Variants in USP39 observed in about 807,000 individuals in gnomAD.
The protein encoded by USP39 is ubiquitin carboxyl-terminal hydrolase 39.
A neutral mutation model predicts 66.4 loss-of-function variants in USP39; 38 were observed. The ratio of observed to expected loss-of-function variants is 0.57; its 90% CI spans 0.44 to 0.75. The LOEUF is 0.75. Among genes scored for constraint, USP39 ranks in the 30% least tolerant of loss-of-function variants. The pLI, the probability that USP39 is intolerant of heterozygous loss-of-function variation, is 0.00. For missense variants in USP39, 608 were observed against 714.4 expected (o/e 0.85, Z 1.70); for synonymous variants, 303 against 274.6 (o/e 1.10, Z -1.02).
chr2:85,647,000 G>A (rs1676697003), intron 11 of USP39, among the ~76,000 whole-genome samples: 1 of 149,918 alleles, frequency 6.7e-6, no homozygotes, highest in African/African-American at 2.5e-5. Flanking sequence ...TGATTCTCCT[G>A]CCTCAGCCTC....
upstream of USP39, chr2:85,611,992 C>G (rs1285707220): frequency 2.0e-6 from 3 of 1,520,354 alleles, no homozygotes; most frequent in Non-Finnish European, 2.6e-6. Flanking sequence ...CATCAGGAGC[C>G]GGGGACGCAG....
At chr2:85,609,128 C>T, upstream of USP39, 1 of 1,595,920 alleles carries the variant, frequency 6.3e-7, no homozygotes, top group Non-Finnish European at 8.6e-7. Context: ...GTGACCTGCC[C>T]TGTCCCTAAA....
At chr2:85,611,832 G>T, upstream of USP39, 4 of 1,605,742 alleles carry the variant, frequency 2.5e-6, no homozygotes, top group Non-Finnish European at 3.4e-6. Context: ...GCCGGGCCAG[G>T]CCAGGCCAGG....
At chr2:85,633,890 T>G (rs1443106823) in intron 6 of USP39, among the ~76,000 whole-genome samples, 1 of 122,964 alleles carries the variant, frequency 8.1e-6, no homozygotes. Context: ...CAGGCTGGAG[T>G]GCAGTGGCGG....
At chr2:85,620,047 G>A (rs140172875) in intron 2 of USP39, among the ~76,000 whole-genome samples, 5,628 of 151,632 alleles carry the variant, frequency 0.037, 367 homozygotes, top group African/African-American at 0.13. Flanking sequence ...TAGAAGAGAC[G>A]GGGTTTCATC....
intron 6 of USP39, among the ~76,000 whole-genome samples, chr2:85,631,721 C>T (rs1367213221): frequency 6.6e-6 from 1 of 151,906 alleles, no homozygotes; most frequent in Non-Finnish European, 1.5e-5. Flanking sequence ...TTAGGGTATT[C>T]TGATGATATT....
chr2:85,631,139 C>T (rs145455477), intron 6 of USP39, among the ~76,000 whole-genome samples, 193 bp downstream of exon 6: 2,558 of 152,048 alleles, frequency 0.017, 47 homozygotes, highest in African/African-American at 0.043. Context: ...TTCAGCCTCC[C>T]AAGTAGCTGG....
At chr2:85,609,623 G>C (rs74324298), upstream of USP39, 5 of 1,612,026 alleles carry the variant, frequency 3.1e-6, no homozygotes, top group Non-Finnish European at 4.2e-6. Context: ...GAAGAGGGGG[G>C]GTGCTGCTGA....
upstream of USP39, among the ~76,000 whole-genome samples, chr2:85,613,146 G>A (rs898254061): frequency 6.6e-6 from 1 of 152,044 alleles, no homozygotes; most frequent in African/African-American, 2.4e-5. Context: ...TATCGCTGGA[G>A]GGAGGAATTT....
chr2:85,615,955 C>T, upstream of USP39: 1 of 736,082 alleles, frequency 1.4e-6, no homozygotes, highest in South Asian at 6.1e-5. Context: ...AGAAAACTGT[C>T]GCCAGTAAAG....
chr2:85,648,256 G>A (rs1193649360), intron 12 of USP39, among the ~76,000 whole-genome samples: 1 of 152,182 alleles, frequency 6.6e-6, no homozygotes. Flanking sequence ...AGAAAGTTGC[G>A]ATTATGGCCA....
rs962046427 is a variant in USP39 at position 85,623,793 on chromosome 2, A to G, written c.570+11A>G. ...TTGGAGGATATCACGGTGTGTGTCTAAGAGGGTTGGTTTGGGGTCCATTCT... is the reference window on the plus strand; with the variant it reads ...TTGGAGGATATCACGGTGTGTGTCTGAGAGGGTTGGTTTGGGGTCCATTCT... On this transcript the variant is annotated intron_variant, in intron 4 of 12. Transcript: ENST00000323701. 3.1e-5 allele frequency: 50 copies of G among 1,606,450 alleles called. No individual in the cohort carries two copies. The highest frequency in any genetic ancestry group is 4.2e-5 in the Non-Finnish European group (50 of 1,176,736).
upstream of USP39, among the ~76,000 whole-genome samples, chr2:85,613,529 A>G (rs188838667): frequency 4.2e-3 from 641 of 152,244 alleles, 3 homozygotes; most frequent in Non-Finnish European, 6.6e-3. Flanking sequence ...ACAGGGACCA[A>G]TGGTGGTCCA....
At chr2:85,643,075 A>T (rs1275309410) in intron 10 of USP39, among the ~76,000 whole-genome samples, 2 of 140,842 alleles carry the variant, frequency 1.4e-5, no homozygotes, top group Non-Finnish European at 3.1e-5. Flanking sequence ...TGTCTCTACT[A>T]AAAAAAAAAA....
intron 5 of USP39, among the ~76,000 whole-genome samples, chr2:85,627,207 C>T (rs1334591636): frequency 1.3e-5 from 2 of 151,844 alleles, no homozygotes; most frequent in African/African-American, 4.8e-5. Context: ...AGTGATTCTT[C>T]TGCCTTAGCC....
intron 4 of USP39, among the ~76,000 whole-genome samples, chr2:85,625,052 G>A (rs889757289): frequency 6.6e-6 from 1 of 151,982 alleles, no homozygotes; most frequent in African/African-American, 2.4e-5. Flanking sequence ...GATGATCTCT[G>A]TCCAGTCTGT....
At chr2:85,609,662 A>G (rs894689712), upstream of USP39, 3 of 1,555,260 alleles carry the variant, frequency 1.9e-6, no homozygotes, top group African/African-American at 2.7e-5. Context: ...TGCTGCAGGA[A>G]AATATACGGT....
upstream of USP39, chr2:85,611,848 T>G (rs1323719518): frequency 6.3e-6 from 10 of 1,599,632 alleles, no homozygotes; most frequent in Admixed American, 1.2e-4. Context: ...CCAGGAGTGG[T>G]GGCGGCGGCG....
At chr2:85,612,119 G>T, upstream of USP39, 1 of 918,474 alleles carries the variant, frequency 1.1e-6, no homozygotes, top group Non-Finnish European at 1.6e-6. Flanking sequence ...CCCCGGCCTG[G>T]CCAAGCGATG....
Sources: gnomAD v4.1 joint callset for allele counts (sites outside exome capture counted in the v4.1 genomes callset) on GRCh38, gnomAD v4.1.1 for gene constraint, MANE v1.5 for transcripts, NCBI Gene and HGNC (gene_info 2026-07-23, HGNC 2026-07-21) for gene names.